PPARGC1A: variants seen among roughly 807,000 people sequenced by gnomAD.
PPARGC1A encodes the protein PPARG coactivator 1 alpha.
Under a neutral mutation model 88.7 loss-of-function variants are expected in PPARGC1A, and 25 were observed. The observed-to-expected ratio is 0.28, with a 90% CI of 0.21 to 0.39. The LOEUF (loss-of-function observed/expected upper bound fraction) is 0.39, where lower values mean the gene tolerates loss of function less well. Ranked by LOEUF, PPARGC1A falls within the 10% of genes least tolerant of loss-of-function variation. PPARGC1A has a pLI of 1.00. For synonymous variants in PPARGC1A, 363 were observed against 355.6 expected, an observed-to-expected ratio of 1.02 and a Z score of -0.24; for missense variants, 880 against 968.7, an observed-to-expected ratio of 0.91 and a Z score of 1.22.
chr4:24,046,348 C>T, the PPARGC1A span, among the ~76,000 whole-genome samples: 1 of 152,156 alleles, frequency 6.6e-6, no homozygotes, highest in Non-Finnish European at 1.5e-5. Context: ...TTCCTGTCCT[C>T]TCCACTCCCA....
chr4:24,211,602 TA>T, the PPARGC1A span, among the ~76,000 whole-genome samples: 5 of 152,162 alleles, frequency 3.3e-5, no homozygotes, highest in African/African-American at 1.2e-4. Flanking sequence ...CAGAATCTGA[TA>T]CCATATTGGC....
chr4:24,127,564 GATAT>G, the PPARGC1A span, among the ~76,000 whole-genome samples: 14 of 151,368 alleles, frequency 9.2e-5, no homozygotes, highest in South Asian at 2.9e-3. Flanking sequence ...CGCGCGTGTG[GATAT>G]ATATATAGAC....
the PPARGC1A span, among the ~76,000 whole-genome samples, chr4:24,169,383 C>T: frequency 6.6e-5 from 10 of 152,132 alleles, no homozygotes; most frequent in African/African-American, 1.9e-4. Flanking sequence ...ACCAGAAATT[C>T]GAATCAAGCA....
the PPARGC1A span, among the ~76,000 whole-genome samples, chr4:24,261,742 T>C: frequency 1.3e-5 from 2 of 152,192 alleles, no homozygotes; most frequent in Non-Finnish European, 2.9e-5. Flanking sequence ...CTTTCTCCTA[T>C]TTGCCTATTT....
At chr4:24,432,235 C>T in the PPARGC1A span, among the ~76,000 whole-genome samples, 2 of 152,200 alleles carry the variant, frequency 1.3e-5, no homozygotes, top group South Asian at 2.1e-4. Context: ...CAGGTGAAGA[C>T]GTTGACCTTA....
At chr4:24,082,695 G>A in the PPARGC1A span, among the ~76,000 whole-genome samples, 9 of 151,818 alleles carry the variant, frequency 5.9e-5, no homozygotes, top group African/African-American at 1.2e-4. Context: ...TGTTGCCCTC[G>A]ACCTTTTAAA....
chr4:24,036,533 A>G, the PPARGC1A span, among the ~76,000 whole-genome samples: 1 of 152,234 alleles, frequency 6.6e-6, no homozygotes, highest in African/African-American at 2.4e-5. Flanking sequence ...TGATAAATTA[A>G]CACAATGAAA....
At chr4:24,281,021 G>C in the PPARGC1A span, among the ~76,000 whole-genome samples, 3 of 152,196 alleles carry the variant, frequency 2.0e-5, no homozygotes, top group African/African-American at 7.2e-5. Flanking sequence ...TGGGCTGTCA[G>C]GCAGCCACCT....
At chr4:23,938,089 T>A in the PPARGC1A span, among the ~76,000 whole-genome samples, 3 of 151,406 alleles carry the variant, frequency 2.0e-5, no homozygotes, top group Non-Finnish European at 4.4e-5. Context: ...AGATCCAGAG[T>A]AAAGATTTCA....
the PPARGC1A span, among the ~76,000 whole-genome samples, chr4:23,993,214 T>C: frequency 6.6e-6 from 1 of 152,192 alleles, no homozygotes; most frequent in Admixed American, 6.6e-5. Context: ...GTAACAATTA[T>C]TGAGTATCTC....
intron 7 of PPARGC1A, among the ~76,000 whole-genome samples, chr4:23,817,571 A>G (rs942454633): frequency 1.3e-5 from 2 of 152,184 alleles, no homozygotes; most frequent in African/African-American, 4.8e-5. Flanking sequence ...AGACCATCAA[A>G]TATGCCCTGT....
At chr4:23,926,228 G>A in the PPARGC1A span, among the ~76,000 whole-genome samples, 1 of 152,098 alleles carries the variant, frequency 6.6e-6, no homozygotes, top group Non-Finnish European at 1.5e-5. Flanking sequence ...AGACAGCTGG[G>A]TACTCACCAC....
chr4:24,331,335 A>G, the PPARGC1A span, among the ~76,000 whole-genome samples: 1 of 152,060 alleles, frequency 6.6e-6, no homozygotes, highest in African/African-American at 2.4e-5. Flanking sequence ...ATCTCAGAAA[A>G]TATCTCCCCT....
At chr4:24,171,349 T>C in the PPARGC1A span, among the ~76,000 whole-genome samples, 1 of 151,798 alleles carries the variant, frequency 6.6e-6, no homozygotes, top group Non-Finnish European at 1.5e-5. Flanking sequence ...GAGGTTGCAG[T>C]GAGCAGAGAT....
At chr4:23,860,015 C>A (rs890000170) in intron 2 of PPARGC1A, among the ~76,000 whole-genome samples, 2 of 152,040 alleles carry the variant, frequency 1.3e-5, no homozygotes, top group Non-Finnish European at 2.9e-5. Context: ...CTCAACCCTA[C>A]AATCTCAGTG....
At chr4:24,110,763 A>G in the PPARGC1A span, among the ~76,000 whole-genome samples, 1 of 152,236 alleles carries the variant, frequency 6.6e-6, no homozygotes, top group East Asian at 1.9e-4. Context: ...AGCTCGGCAC[A>G]TTCATCATCT....
chr4:24,085,326 T>C, the PPARGC1A span, among the ~76,000 whole-genome samples: 6 of 152,342 alleles, frequency 3.9e-5, no homozygotes, highest in East Asian at 1.2e-3. Context: ...ACTTGTAGAA[T>C]GCTTTACAGT....
the PPARGC1A span, among the ~76,000 whole-genome samples, chr4:24,386,552 T>C: frequency 6.6e-6 from 1 of 152,190 alleles, no homozygotes; most frequent in Admixed American, 6.5e-5. Context: ...ATTCTCAGGC[T>C]ACAAAGTCAA....
chr4:24,104,099 A>T, the PPARGC1A span, among the ~76,000 whole-genome samples: 3 of 152,318 alleles, frequency 2.0e-5, no homozygotes, highest in East Asian at 5.8e-4. Context: ...TGAAAAATCA[A>T]AGACAGAATA....
Sources: allele counts gnomAD v4.1 joint callset (sites outside exome capture counted in the v4.1 genomes callset), GRCh38; gene constraint gnomAD v4.1.1; transcripts MANE v1.5; gene names NCBI Gene and HGNC (gene_info 2026-07-23, HGNC 2026-07-21).